The following SPATS2L variants were observed in gnomAD, a reference collection of about 807,000 sequenced individuals.
SPATS2L encodes the protein spermatogenesis associated serine rich 2 like, also known as SPATS2-like protein.
A neutral mutation model predicts 59.6 loss-of-function variants in SPATS2L; 30 were observed. The observed-to-expected ratio is 0.50, with a 90% CI of 0.38 to 0.68. The LOEUF (loss-of-function observed/expected upper bound fraction) is 0.68, where lower values mean the gene tolerates loss of function less well. Among genes scored for constraint, SPATS2L ranks in the 30% least tolerant of loss-of-function variants. The probability of loss-of-function intolerance (pLI) is 0.00; values close to 1 mark genes in which losing one functional copy is unlikely to be tolerated. For synonymous variants in SPATS2L, 252 were observed against 263.5 expected, an observed-to-expected ratio of 0.96 and a Z score of 0.42; for missense variants, 615 against 700.0, an observed-to-expected ratio of 0.88 and a Z score of 1.37.
At chr2:200,335,668 T>G (rs956039710) in intron 2 of SPATS2L, among the ~76,000 whole-genome samples, 3 of 152,224 alleles carry the variant, frequency 2.0e-5, no homozygotes, top group African/African-American at 7.2e-5. Flanking sequence ...ATAACTGGCT[T>G]TTAGAAGTGA....
intron 3 of SPATS2L, among the ~76,000 whole-genome samples, chr2:200,391,463 A>T (rs1379909917): frequency 6.6e-6 from 1 of 152,230 alleles, no homozygotes; most frequent in Non-Finnish European, 1.5e-5. Flanking sequence ...ATTTTAAAAC[A>T]TTATTTTGAG....
rs1408177197 is a variant in SPATS2L at position 200,419,372 on chromosome 2, C to T, written c.321C>T (p.Pro107=). The change falls in exon 6 of 13, where the codon CCC becomes CCT. Residue 107 remains proline (P), a synonymous_variant. Transcript: ENST00000409140. ...AGCCACCACAGATTCAAAACGGCCCCATGAATGGCTGCGAGAAGGACAGCT... is the reference window on the plus strand; with the variant it reads ...AGCCACCACAGATTCAAAACGGCCCTATGAATGGCTGCGAGAAGGACAGCT... ...QPQPPQIQNG[P]MNGCEKDSSS... The T allele has an allele frequency of 6.2e-7, 1 of 1,613,028 alleles. No homozygotes were observed. Among genetic ancestry groups the T allele is most frequent in the East Asian group, 2.2e-5 (1 of 44,722 alleles).
chr2:200,469,212 A>G (rs942670585), intron 10 of SPATS2L, among the ~76,000 whole-genome samples: 1 of 152,206 alleles, frequency 6.6e-6, no homozygotes, highest in African/African-American at 2.4e-5. Flanking sequence ...TGCCCTCAGT[A>G]GGAAATAATT....
intron 3 of SPATS2L, chr2:200,390,230 TTTTCTTTCACTTA>T (rs1178122746): frequency 1.3e-5 from 2 of 152,342 alleles, no homozygotes; most frequent in South Asian, 4.1e-4. Context: ...CATTACTATT[TTTTCTTTCACTTA>T]GCAACAGGGT....
At chr2:200,334,189 G>A (rs1470025728) in intron 2 of SPATS2L, among the ~76,000 whole-genome samples, 8 of 152,146 alleles carry the variant, frequency 5.3e-5, no homozygotes, top group Admixed American at 1.3e-4. Flanking sequence ...TTTAATGATC[G>A]CCATTCTAAC....
At chr2:200,393,806 T>A (rs187374147) in intron 3 of SPATS2L, among the ~76,000 whole-genome samples, 1 of 152,352 alleles carries the variant, frequency 6.6e-6, no homozygotes. Context: ...CTGTTATGTC[T>A]TAGATTACAA....
intron 2 of SPATS2L, among the ~76,000 whole-genome samples, chr2:200,351,003 T>C (rs969400173): frequency 2.0e-5 from 3 of 152,200 alleles, no homozygotes; most frequent in African/African-American, 7.2e-5. Flanking sequence ...TCACACCATA[T>C]GTTCAGTCAC....
intron 2 of SPATS2L, among the ~76,000 whole-genome samples, chr2:200,343,239 CAG>C (rs1322008798): frequency 6.6e-6 from 1 of 152,204 alleles, no homozygotes; most frequent in South Asian, 2.1e-4. Context: ...GTACTTAACA[CAG>C]GGGAGGGAGA....
At chr2:200,312,090 C>G (rs528919769) in intron 1 of SPATS2L, among the ~76,000 whole-genome samples, 234 of 152,242 alleles carry the variant, frequency 1.5e-3, no homozygotes, top group Non-Finnish European at 2.8e-3. Flanking sequence ...ATATAGATAC[C>G]TGCAGTAATT....
chr2:200,456,169 C>T (rs748719031), intron 8 of SPATS2L, among the ~76,000 whole-genome samples: 1 of 152,210 alleles, frequency 6.6e-6, no homozygotes, highest in Non-Finnish European at 1.5e-5. Flanking sequence ...TTTATCTGCC[C>T]TGGGCTGGCC....
chr2:200,400,302 A>G (rs2082485114), intron 3 of SPATS2L, among the ~76,000 whole-genome samples: 1 of 152,190 alleles, frequency 6.6e-6, no homozygotes, highest in Admixed American at 6.5e-5. Flanking sequence ...GGACTCAAGG[A>G]CTCAGTGTAC....
At chr2:200,389,188 A>G in intron 2 of SPATS2L, 35 bp from the exon 3 acceptor site, 3 of 1,414,992 alleles carry the variant, frequency 2.1e-6, no homozygotes, top group Non-Finnish European at 2.9e-6. Flanking sequence ...TGAGAAATCA[A>G]TTTTAAAACT....
chr2:200,399,964 A>C (rs890608408), intron 3 of SPATS2L, among the ~76,000 whole-genome samples: 10 of 152,186 alleles, frequency 6.6e-5, no homozygotes, highest in Non-Finnish European at 5.9e-5. Context: ...GAGCAGGAAA[A>C]AAAAATCCCT....
intron 2 of SPATS2L, among the ~76,000 whole-genome samples, chr2:200,374,844 T>C (rs938193753): frequency 6.6e-6 from 1 of 152,174 alleles, no homozygotes; most frequent in African/African-American, 2.4e-5. Flanking sequence ...ATGAAAGTCT[T>C]CCAAAGGGAA....
chr2:200,344,721 G>T (rs931805154), intron 2 of SPATS2L, among the ~76,000 whole-genome samples: 1 of 152,012 alleles, frequency 6.6e-6, no homozygotes, highest in Admixed American at 6.5e-5. Context: ...CTGCAACTTT[G>T]CCAGGATCTG....
rs35126872 is a variant in SPATS2L, at chr2:200,473,014, G to T, written c.1243G>T (p.Ala415Ser). The part of the protein sequence containing the change: ...PKMVSSLPST[A>S]DPSHQTMPAN... Reference sequence around the variant, plus strand: ...AATGGTGAGCAGTCTCCCCAGCACCGCCGACCCCTCTCACCAGACCATGCC... The same window carrying T: ...AATGGTGAGCAGTCTCCCCAGCACCTCCGACCCCTCTCACCAGACCATGCC... The change falls in exon 12 of 13, where the codon GCC (alanine) becomes TCC (serine). Residue 415 changes from alanine to serine, a missense_variant. Around this residue, in one of 3 missense-constraint regions of SPATS2L, gnomAD observed 284 missense variants for 280.1 expected, o/e 1.01. Coordinates refer to ENST00000409140, the MANE Select transcript of SPATS2L (RefSeq NM_001100423.2). The T allele has an allele frequency of 9.9e-6, 16 of 1,612,614 alleles. No homozygotes were observed. The highest frequency in any genetic ancestry group is 1.7e-5 in the Admixed American group (1 of 59,912).
At chr2:200,411,903 T>C (rs1480842354) in intron 3 of SPATS2L, among the ~76,000 whole-genome samples, 3 of 152,150 alleles carry the variant, frequency 2.0e-5, no homozygotes, top group Admixed American at 2.0e-4. Context: ...AGCTGAGGCA[T>C]GAGGCTATTT....
intron 6 of SPATS2L, among the ~76,000 whole-genome samples, chr2:200,425,775 C>T (rs1195791066): frequency 3.3e-5 from 5 of 151,932 alleles, no homozygotes; most frequent in Admixed American, 6.6e-5. Context: ...TTTGGGGTCG[C>T]GGGGGATGGG....
chr2:200,452,798 G>A (rs1483978343), intron 8 of SPATS2L, among the ~76,000 whole-genome samples: 1 of 152,060 alleles, frequency 6.6e-6, no homozygotes, highest in Non-Finnish European at 1.5e-5. Context: ...TCTACATGCT[G>A]TGGACATGTA....
Sources: gnomAD v4.1 joint callset for allele counts (sites outside exome capture counted in the v4.1 genomes callset) on GRCh38, gnomAD v4.1.1 for gene constraint, gnomAD v4.1.1 regional missense constraint, MANE v1.5 for transcripts, NCBI Gene and HGNC (gene_info 2026-07-23, HGNC 2026-07-21) for gene names.